SEPTIN7: variants seen among roughly 807,000 people sequenced by gnomAD.
SEPTIN7 encodes the protein septin 7, also known as septin-7.
A neutral mutation model predicts 63.3 loss-of-function variants in SEPTIN7; 10 were observed. The observed-to-expected ratio is 0.16, with a 90% CI of 0.10 to 0.27. The LOEUF is 0.27. Among genes scored for constraint, SEPTIN7 ranks in the 10% least tolerant of loss-of-function variants. The pLI is 1.00. For synonymous variants in SEPTIN7, 131 were observed against 165.3 expected (o/e 0.79, Z 1.59); for missense variants, 310 against 521.0 (o/e 0.59, Z 3.94).
chr7:35,806,668 T>G (rs1788359417), intron 1 of SEPTIN7, among the ~76,000 whole-genome samples: 1 of 152,236 alleles, frequency 6.6e-6, no homozygotes, highest in Admixed American at 6.5e-5. Context: ...TCCCAGAGTT[T>G]CTTGTGCCCT....
In SEPTIN7 at chr7:35,854,237, A is replaced by G. The variant is rs144140057; in HGVS notation, c.170-9315A>G. Among the ~76,000 whole-genome samples, 45 of 152,362 alleles carry G rather than the reference A, an allele frequency of 3.0e-4. No individual in the cohort carries two copies. In the East Asian group the frequency reaches 7.9e-3, roughly 27 times the overall value. On this transcript the variant is annotated intron_variant, in intron 3 of 13. Transcript: ENST00000350320. ...TGTAGCATCTATCTCATGGTATTAT[A>G]AAGGTTAACTAAGTCAATGCTTGTA...
chr7:35,889,269 G>A (rs1048264809), intron 10 of SEPTIN7, among the ~76,000 whole-genome samples: 1 of 152,208 alleles, frequency 6.6e-6, no homozygotes, highest in Non-Finnish European at 1.5e-5. Flanking sequence ...CTTGCCTGAA[G>A]TGGAGTGGTA....
chr7:35,833,563 C>T (rs1375674492), intron 3 of SEPTIN7, among the ~76,000 whole-genome samples: 1 of 151,950 alleles, frequency 6.6e-6, no homozygotes, highest in Non-Finnish European at 1.5e-5. Flanking sequence ...GATTAGTTAT[C>T]TTCAATAACA....
intron 3 of SEPTIN7, among the ~76,000 whole-genome samples, chr7:35,852,040 T>C (rs1784986405): frequency 6.6e-6 from 1 of 152,204 alleles, no homozygotes; most frequent in South Asian, 2.1e-4. Flanking sequence ...TTGACCCTTA[T>C]TCTTAGTAGT....
chr7:35,905,841 ATTTCT>A lies in SEPTIN7; in HGVS notation c.*1555_*1559del, dbSNP rs1310039538. The A allele has an allele frequency of 3.9e-5, 6 of 152,184 alleles. No individual in the cohort carries two copies. Among genetic ancestry groups the A allele is most frequent in the Non-Finnish European group, 7.3e-5 (5 of 68,036 alleles). The allele number at this position is 152,184 out of a possible 1,614,324, so 9.4% of individuals were successfully genotyped here. A position where few individuals can be genotyped will look rare whatever the true frequency, so the allele number is the denominator to read the frequency against. On this transcript the variant is annotated 3_prime_UTR_variant, in exon 14 of 14. Coordinates refer to ENST00000350320, the MANE Select transcript of SEPTIN7 (RefSeq NM_001788.6). ...TTTTAACTGTAAAGAGGGTAGTGTC[ATTTCT>A]TTTCTTAAGGTCAAGTGACATAGAT...
chr7:35,804,156 A>T, intron 1 of SEPTIN7, among the ~76,000 whole-genome samples: 1 of 152,134 alleles, frequency 6.6e-6, no homozygotes, highest in East Asian at 1.9e-4. Flanking sequence ...CTTTGGATTC[A>T]TTTATCCTGT....
chr7:35,895,962 C>T (rs935781726), intron 11 of SEPTIN7, among the ~76,000 whole-genome samples: 2 of 152,186 alleles, frequency 1.3e-5, no homozygotes, highest in Non-Finnish European at 2.9e-5. Flanking sequence ...AGGCGTGTGC[C>T]ACCACGCCCG....
At chr7:35,809,532 T>G (rs1788565303) in intron 1 of SEPTIN7, among the ~76,000 whole-genome samples, 1 of 152,194 alleles carries the variant, frequency 6.6e-6, no homozygotes, top group Non-Finnish European at 1.5e-5. Flanking sequence ...TGGCTTGCAT[T>G]TAGTAAAAAA....
intron 3 of SEPTIN7, among the ~76,000 whole-genome samples, chr7:35,833,234 C>T (rs1385169565): frequency 6.6e-6 from 1 of 151,910 alleles, no homozygotes; most frequent in African/African-American, 2.4e-5. Flanking sequence ...TGTTTTCTGG[C>T]TTATATGCTA....
chr7:35,801,129 A>T lies in SEPTIN7; in HGVS notation c.-81A>T. The T allele has an allele frequency of 1.7e-6, 2 of 1,199,422 alleles. No homozygotes were observed. The highest frequency in any genetic ancestry group is 2.3e-6 in the Non-Finnish European group (2 of 885,004). The allele number at this position is 1,199,422 out of a possible 1,614,324, so 74.3% of individuals were successfully genotyped here. On this transcript the variant is annotated 5_prime_UTR_variant, in exon 1 of 14. Coordinates refer to ENST00000350320, the MANE Select transcript of SEPTIN7 (RefSeq NM_001788.6). ...AGCAAGGCAGCTACGCCGGGCGGCT[A>T]CGCTGCGGAATCGGCGTAGGCGCCT...
chr7:35,824,751 G>A (rs571269523), intron 1 of SEPTIN7, among the ~76,000 whole-genome samples: 5 of 152,244 alleles, frequency 3.3e-5, no homozygotes, highest in South Asian at 2.1e-4. Flanking sequence ...AGCCACATAT[G>A]TAATTAAGCT....
At chr7:35,821,714 T>C (rs1173925884) in intron 1 of SEPTIN7, among the ~76,000 whole-genome samples, 1 of 152,214 alleles carries the variant, frequency 6.6e-6, no homozygotes, top group Non-Finnish European at 1.5e-5. Context: ...ATTCCAAAAG[T>C]CATGTAGGAG....
chr7:35,859,995 A>G (rs1785417338), intron 3 of SEPTIN7, among the ~76,000 whole-genome samples: 1 of 152,118 alleles, frequency 6.6e-6, no homozygotes, highest in African/African-American at 2.4e-5. Flanking sequence ...ATAAGGAAGA[A>G]CTAACTTGCC....
Position 35,890,776 on chromosome 7 carries a change from TA to T in SEPTIN7, c.984del (p.Gln330SerfsTer2). On this transcript the variant is annotated frameshift_variant, in exon 11 of 14. Coordinates refer to ENST00000350320, the MANE Select transcript of SEPTIN7 (RefSeq NM_001788.6). LOFTEE classifies it high-confidence loss of function. ...TYNGVDNNKNKGQLTKSPLAQ... is the reference protein window; with the variant it reads ...TYNGVDNNKNXGQLTKSPLAQ... ...ATAATGGAGTTGATAACAACAAGAA[TA>T]AAGGGCAGCTGACTAAGTAAGTATA... is the stretch of plus-strand genomic sequence containing the variant. 6.3e-7 allele frequency: 1 copy of T among 1,583,878 alleles called. No individual in the cohort carries two copies.
At chr7:35,858,046 G>C (rs1214060122) in intron 3 of SEPTIN7, among the ~76,000 whole-genome samples, 1 of 152,028 alleles carries the variant, frequency 6.6e-6, no homozygotes, top group Non-Finnish European at 1.5e-5. Context: ...GGTTCAGGCA[G>C]TTCTCTTGCT....
chr7:35,801,024 T>C (rs1787911273), upstream of SEPTIN7: 1 of 458,970 alleles, frequency 2.2e-6, no homozygotes, highest in African/African-American at 2.1e-5. Context: ...GGAAGCCTCG[T>C]CTGAGGGGGC....
At chr7:35,882,004 A>C (rs1786909503) in intron 7 of SEPTIN7, among the ~76,000 whole-genome samples, 1 of 151,924 alleles carries the variant, frequency 6.6e-6, no homozygotes, top group African/African-American at 2.4e-5. Context: ...TTTTCTGATG[A>C]ATGTTCAGGG....
At chr7:35,913,261 G>C in the SEPTIN7 span, among the ~76,000 whole-genome samples, 1 of 152,280 alleles carries the variant, frequency 6.6e-6, no homozygotes, top group Admixed American at 6.5e-5. Context: ...TCCAGAATTT[G>C]CTCCAGGTGT....
intron 1 of SEPTIN7, among the ~76,000 whole-genome samples, chr7:35,821,240 G>A (rs1034492726): frequency 6.6e-6 from 1 of 152,162 alleles, no homozygotes; most frequent in Non-Finnish European, 1.5e-5. Context: ...ATTCCTGCAA[G>A]CTTTTAGTTA....
Sources: gnomAD v4.1 joint callset for allele counts (sites outside exome capture counted in the v4.1 genomes callset) on GRCh38, gnomAD v4.1.1 for gene constraint, MANE v1.5 for transcripts, NCBI Gene and HGNC (gene_info 2026-07-23, HGNC 2026-07-21) for gene names.